The following MAP7 variants were observed in gnomAD, a reference collection of about 807,000 sequenced individuals.
MAP7 encodes ensconsin.
In MAP7, 52 loss-of-function variants were observed where a neutral mutation model predicts 94.8. That is an observed-to-expected ratio of 0.55 (90% CI 0.44 to 0.69). The LOEUF is 0.69. MAP7 is among the 30% of genes least tolerant of loss of function. MAP7 has a pLI of 0.00. For missense variants in MAP7, 940 were observed against 964.6 expected, an observed-to-expected ratio of 0.97 and a Z score of 0.34; for synonymous variants, 350 against 357.0, an observed-to-expected ratio of 0.98 and a Z score of 0.22.
intron 10 of MAP7, 120 bp downstream of exon 10, chr6:136,365,615 C>A: frequency 6.5e-6 from 7 of 1,069,992 alleles, no homozygotes; most frequent in Non-Finnish European, 9.3e-6. Flanking sequence ...TTAAACTTAA[C>A]CTTAGAGTAA....
intron 1 of MAP7, among the ~76,000 whole-genome samples, chr6:136,473,934 G>T (rs1481477656): frequency 6.6e-6 from 1 of 151,974 alleles, no homozygotes; most frequent in African/African-American, 2.4e-5. Flanking sequence ...TGAGAGAACA[G>T]GTTAATAAAT....
In MAP7 at chr6:136,360,015, A is replaced by G; in HGVS notation, c.1820T>C (p.Met607Thr). The change falls in exon 14 of 18, where the codon ATG becomes ACG. Residue 607 changes from methionine (M) to threonine (T), a missense_variant. By Grantham distance (81) the Met-to-Thr change is moderately conservative (BLOSUM62 -1). Transcript: ENST00000354570. The stretch of plus-strand genomic sequence containing the variant: ...AGCTTCTGTTCTCCTGGTTCTTTTC[A>G]TAATCTCCTCAAGTCGCTATAGGAA... Reference protein sequence around the residue: ...LERKKRLEEIMKRTRRTEATD... With the variant: ...LERKKRLEEITKRTRRTEATD... 6.2e-7 allele frequency: 1 copy of G among 1,613,256 alleles called. No individual in the cohort carries two copies. Among genetic ancestry groups the G allele is most frequent in the Non-Finnish European group, 8.5e-7 (1 of 1,179,798 alleles).
intron 1 of MAP7, among the ~76,000 whole-genome samples, chr6:136,483,844 C>A (rs1028070640): frequency 2.0e-5 from 3 of 152,212 alleles, no homozygotes; most frequent in African/African-American, 7.2e-5. Context: ...AGTGGCCTAC[C>A]TTCAGATATT....
intron 1 of MAP7, among the ~76,000 whole-genome samples, chr6:136,456,587 A>C (rs1802924185): frequency 6.6e-6 from 1 of 151,698 alleles, no homozygotes. Flanking sequence ...TGGAAGGATC[A>C]CCTGATCCCA....
At chr6:136,505,017 G>C (rs1395176133) in intron 1 of MAP7, among the ~76,000 whole-genome samples, 2 of 151,514 alleles carry the variant, frequency 1.3e-5, no homozygotes, top group Non-Finnish European at 2.9e-5. Flanking sequence ...CTGGGTCCTG[G>C]GGTCCATGAG....
At chr6:136,466,739 C>T (rs1807233880) in intron 1 of MAP7, 3 of 1,532,784 alleles carry the variant, frequency 2.0e-6, no homozygotes, top group Non-Finnish European at 2.6e-6. Flanking sequence ...TTTCAAAACA[C>T]ATTTTGAGCC....
At chr6:136,364,712 C>T in intron 10 of MAP7, 1 of 163,666 alleles carries the variant, frequency 6.1e-6, no homozygotes, top group Non-Finnish European at 1.3e-5. Context: ...GCAGAGCAAG[C>T]AGATAGATGA....
At chr6:136,458,864 G>A (rs1804234260) in intron 1 of MAP7, among the ~76,000 whole-genome samples, 1 of 151,996 alleles carries the variant, frequency 6.6e-6, no homozygotes, top group African/African-American at 2.4e-5. Context: ...TCTTGAGCAT[G>A]ACATCAAAAA....
intron 16 of MAP7, among the ~76,000 whole-genome samples, chr6:136,351,699 T>C (rs1211965671): frequency 6.6e-6 from 1 of 152,198 alleles, no homozygotes; most frequent in African/African-American, 2.4e-5. Context: ...CTTTTAGAGA[T>C]AAGGTAAATA....
At chr6:136,461,291 C>T (rs1376294344) in intron 1 of MAP7, among the ~76,000 whole-genome samples, 2 of 152,088 alleles carry the variant, frequency 1.3e-5, no homozygotes, top group African/African-American at 2.4e-5. Flanking sequence ...TTAATTTTTA[C>T]CTCGACAATG....
chr6:136,345,170 T>A (rs758618677), intron 17 of MAP7, among the ~76,000 whole-genome samples: 1 of 152,232 alleles, frequency 6.6e-6, no homozygotes, highest in Non-Finnish European at 1.5e-5. Context: ...TTATGTCTTC[T>A]TTCTTTGGGT....
At chr6:136,385,825 C>T (rs1411297548) in intron 5 of MAP7, among the ~76,000 whole-genome samples, 1 of 152,192 alleles carries the variant, frequency 6.6e-6, no homozygotes, top group Non-Finnish European at 1.5e-5. Context: ...GGCTGGAGTG[C>T]AGTGGCACAA....
intron 2 of MAP7, among the ~76,000 whole-genome samples, chr6:136,418,255 GC>G (rs1472835169): frequency 6.6e-6 from 1 of 152,164 alleles, no homozygotes; most frequent in Non-Finnish European, 1.5e-5. Flanking sequence ...TCGCTCTGTT[GC>G]CCAGGCTAGA....
At chr6:136,403,444 G>T (rs1337765769) in intron 3 of MAP7, among the ~76,000 whole-genome samples, 1 of 152,234 alleles carries the variant, frequency 6.6e-6, no homozygotes, top group East Asian at 1.9e-4. Flanking sequence ...CAACAAATAA[G>T]TGATGAAGTT....
intron 1 of MAP7, among the ~76,000 whole-genome samples, chr6:136,507,475 CAAAAAAAA>C (rs10711278): frequency 3.4e-5 from 3 of 87,260 alleles, no homozygotes; most frequent in African/African-American, 1.1e-4. Flanking sequence ...AGAAGATTCT[CAAAAAAAA>C]AAAAAAAAAG....
rs1786819130 is a variant in MAP7, at chr6:136,342,837, G to A, written c.*1391C>T. On this transcript the variant is annotated 3_prime_UTR_variant, in exon 18 of 18. Coordinates refer to ENST00000354570, the MANE Select transcript of MAP7 (RefSeq NM_003980.6). The stretch of plus-strand genomic sequence containing the variant: ...TTCTTTTCTAATATAATGACTATGT[G>A]TACATGGACAACTGAAAACAGGGAA... The A allele has an allele frequency of 6.6e-6, 1 of 152,114 alleles. No individual in the cohort carries two copies. The highest frequency in any genetic ancestry group is 1.5e-5 in the Non-Finnish European group (1 of 68,036). 9.4% of individuals were successfully genotyped at this position (152,114 alleles called of 1,614,324 possible).
chr6:136,482,614 A>AAAAAAC (rs371789328), intron 1 of MAP7, among the ~76,000 whole-genome samples: 6 of 150,004 alleles, frequency 4.0e-5, no homozygotes, highest in Admixed American at 1.3e-4. Flanking sequence ...AAAAAAAAAA[A>AAAAAAC]CAGACGCATG....
chr6:136,496,623 TAAC>T (rs1373918610), intron 1 of MAP7, among the ~76,000 whole-genome samples: 2 of 151,750 alleles, frequency 1.3e-5, no homozygotes, highest in East Asian at 3.9e-4. Flanking sequence ...TTACATATGT[TAAC>T]TTGGCTCCTA....
At chr6:136,414,808 A>ATTTT (rs550449278) in intron 2 of MAP7, among the ~76,000 whole-genome samples, 5 of 123,298 alleles carry the variant, frequency 4.1e-5, no homozygotes, top group African/African-American at 1.2e-4. Context: ...CAATCAGCTA[A>ATTTT]TTTTTTTTTT....
Sources: allele counts gnomAD v4.1 joint callset (sites outside exome capture counted in the v4.1 genomes callset), GRCh38; gene constraint gnomAD v4.1.1; transcripts MANE v1.5; gene names NCBI Gene and HGNC (gene_info 2026-07-23, HGNC 2026-07-21).